ABCG1: variants seen among roughly 807,000 people sequenced by gnomAD.
ABCG1 encodes ATP-binding cassette sub-family G member 1.
Under a neutral mutation model 69.2 loss-of-function variants are expected in ABCG1, and 29 were observed. That is an observed-to-expected ratio of 0.42 (90% CI 0.31 to 0.57). The LOEUF (loss-of-function observed/expected upper bound fraction) is 0.57, where lower values mean the gene tolerates loss of function less well. Ranked by LOEUF, ABCG1 falls within the 20% of genes least tolerant of loss-of-function variation. ABCG1 has a pLI of 0.15. For synonymous variants in ABCG1, 370 were observed against 374.8 expected, an observed-to-expected ratio of 0.99 and a Z score of 0.15; for missense variants, 718 against 898.1, an observed-to-expected ratio of 0.80 and a Z score of 2.56.
intron 2 of ABCG1, among the ~76,000 whole-genome samples, chr21:42,233,104 T>A (rs910401554): frequency 1.3e-5 from 2 of 151,932 alleles, no homozygotes; most frequent in Admixed American, 6.6e-5. Context: ...AAAAGATGGG[T>A]TTTCAGTCAT....
rs201983330 is a variant in ABCG1 at position 42,287,949 on chromosome 21, G to T, written c.1034G>T (p.Arg345Leu). 1 of 1,613,478 alleles carries T rather than the reference G, an allele frequency of 6.2e-7. No individual in the cohort carries two copies. Among genetic ancestry groups the T allele is most frequent in the Non-Finnish European group, 8.5e-7 (1 of 1,179,670 alleles). The change falls in exon 9 of 15, where the codon CGG becomes CTG. Residue 345 changes from arginine (R) to leucine (L), a missense_variant. Transcript: ENST00000398449. This position sits in a 1 kb window ranked among gnomAD's most constrained non-coding sequence, Gnocchi z 6.2. ...AACAGTCGGCTGGTGAGAGCGGTTC[G>T]GGAGGGCATGTGTGACTCAGACCAC... ...DQNSRLVRAV[R>L]EGMCDSDHKR...
rs1601449441 is a variant in ABCG1, at chr21:42,287,200, A to G, written c.974-689A>G. 6.6e-6 allele frequency among the ~76,000 whole-genome samples: 1 copy of G among 152,174 alleles called. No individual in the cohort carries two copies. The highest frequency in any genetic ancestry group is 1.5e-5 in the Non-Finnish European group (1 of 68,008). On this transcript the variant is annotated intron_variant, in intron 8 of 14. Coordinates refer to ENST00000398449, the MANE Select transcript of ABCG1 (RefSeq NM_016818.3). The surrounding 1 kb of genome is among the most constrained non-coding windows in gnomAD (Gnocchi z 6.2). ...GAGAAAGCAGATGTAGGCAGAGGGA[A>G]GGAGGCCAGTCACCACGGGAGTGTG... is the stretch of plus-strand genomic sequence containing the variant.
chr21:42,210,672 C>T (rs966180550), intron 2 of ABCG1, among the ~76,000 whole-genome samples: 1 of 152,224 alleles, frequency 6.6e-6, no homozygotes, highest in African/African-American at 2.4e-5. Flanking sequence ...AACCATCTCT[C>T]ATCATCTGTC....
At chr21:42,245,550 C>T (rs1245015399) in intron 2 of ABCG1, among the ~76,000 whole-genome samples, 1 of 152,146 alleles carries the variant, frequency 6.6e-6, no homozygotes, top group African/African-American at 2.4e-5. Flanking sequence ...CCTGGCCAAC[C>T]ACGGGGACAG....
intron 2 of ABCG1, among the ~76,000 whole-genome samples, chr21:42,245,029 C>T (rs1391186147): frequency 6.6e-6 from 1 of 152,240 alleles, no homozygotes; most frequent in East Asian, 1.9e-4. Context: ...CATGTCCCAG[C>T]TCTGCCCCCA....
chr21:42,201,686 C>T (rs200504040), exon 2 of ABCG1: 30 of 1,613,280 alleles, frequency 1.9e-5, no homozygotes, highest in Admixed American at 3.3e-5. Flanking sequence ...ATGCTGGGAA[C>T]GCAGGGGTGG....
Position 42,208,200 on chromosome 21 carries a change from G to C in ABCG1, c.48+6477G>C, listed in dbSNP as rs147389616. 2.1e-3 allele frequency among the ~76,000 whole-genome samples: 317 copies of C among 151,178 alleles called. 3 individuals are homozygous for C. The highest frequency in any genetic ancestry group is 7.3e-3 in the African/African-American group (300 of 41,072). ...TCCCCTTTTCCTATTCTTTTGGCTA[G>C]AGAGAGCAGGCTTTTGTTGGGACTT... On this transcript the variant is annotated intron_variant, in intron 2 of 15. Transcript: ENST00000398457.
intron 2 of ABCG1, among the ~76,000 whole-genome samples, chr21:42,252,075 C>T (rs1035454776): frequency 2.0e-5 from 3 of 152,210 alleles, no homozygotes; most frequent in Non-Finnish European, 4.4e-5. Flanking sequence ...AAGCTCTCCC[C>T]GCAATGCTTC....
chr21:42,287,948 C>T lies in ABCG1; in HGVS notation c.1033C>T (p.Arg345Trp), dbSNP rs751587938. Residue 345 changes from arginine (R) to tryptophan (W), a missense_variant, in exon 9 of 15, where the codon CGG (arginine) becomes TGG (tryptophan). Coordinates refer to ENST00000398449, the MANE Select transcript of ABCG1 (RefSeq NM_016818.3). The surrounding 1 kb of genome is among the most constrained non-coding windows in gnomAD (Gnocchi z 6.2). The stretch of plus-strand genomic sequence containing the variant: ...GAACAGTCGGCTGGTGAGAGCGGTT[C>T]GGGAGGGCATGTGTGACTCAGACCA... ...DQNSRLVRAV[R>W]EGMCDSDHKR... is the part of the protein sequence containing the mutation. 7.4e-6 allele frequency: 12 copies of T among 1,613,382 alleles called. No individual in the cohort carries two copies. The highest frequency in any genetic ancestry group is 5.0e-5 in the Admixed American group (3 of 59,916).
At chr21:42,251,402 G>A (rs965944534) in intron 2 of ABCG1, among the ~76,000 whole-genome samples, 2 of 152,176 alleles carry the variant, frequency 1.3e-5, no homozygotes, top group African/African-American at 4.8e-5. Context: ...GAGGCTCAGC[G>A]AGATACACTA....
Position 42,225,898 on chromosome 21 carries a change from C to T in ABCG1, c.270C>T (p.Pro90=), listed in dbSNP as rs1229278124. The T allele has an allele frequency of 1.2e-6, 2 of 1,612,586 alleles. No homozygotes were observed. Among genetic ancestry groups the T allele is most frequent in the Admixed American group, 1.7e-5 (1 of 59,992 alleles). Residue 90 remains proline (P), a synonymous_variant, in exon 2 of 15, where the codon CCC becomes CCT. Transcript: ENST00000398449. ...TTTCCTATTCGGTTCCTGAAGGACC[C>T]TGGTGGAGGAAGAAAGGTAGGGAGG... ...RDLSYSVPEG[P]WWRKKGYKTL...
At chr21:42,216,798 G>A (rs530900832), upstream of ABCG1, among the ~76,000 whole-genome samples, 12 of 152,172 alleles carry the variant, frequency 7.9e-5, no homozygotes, top group Non-Finnish European at 1.2e-4. Context: ...CCTGTGCTAC[G>A]CTACTGTTGG....
At chr21:42,226,021 C>T in intron 2 of ABCG1, 107 bp downstream of exon 2, 2 of 1,296,350 alleles carry the variant, frequency 1.5e-6, no homozygotes, top group Non-Finnish European at 2.1e-6. Flanking sequence ...CTGAGCTTCT[C>T]TTCCCAACGC....
rs779750643 is a variant in ABCG1, at chr21:42,273,274, G to A, written c.405-29G>A. 1 of 1,597,600 alleles carries A rather than the reference G, an allele frequency of 6.3e-7. No individual in the cohort carries two copies. Among genetic ancestry groups the A allele is most frequent in the South Asian group, 1.1e-5 (1 of 89,670 alleles). ...GTGGAGGAGGAGCAGGAGCCCGGCT[G>A]ACGGCTTCTCCTGTCCTTGGTTCTG... is the stretch of plus-strand genomic sequence containing the variant. On this transcript the variant is annotated intron_variant, in intron 3 of 14. Transcript: ENST00000398449. This position sits in a 1 kb window ranked among gnomAD's most constrained non-coding sequence, Gnocchi z 5.3.
At chr21:42,262,719 C>T (rs1465096315) in intron 2 of ABCG1, among the ~76,000 whole-genome samples, 1 of 152,212 alleles carries the variant, frequency 6.6e-6, no homozygotes, top group Non-Finnish European at 1.5e-5. Context: ...CCGGGTTTGG[C>T]AGAAGGGGTT....
chr21:42,278,522 A>C (rs2068749492), intron 5 of ABCG1, among the ~76,000 whole-genome samples: 1 of 152,156 alleles, frequency 6.6e-6, no homozygotes, highest in African/African-American at 2.4e-5. Context: ...TAAGAAGAGG[A>C]GAGGAGGACC....
chr21:42,273,747 A>G lies in ABCG1; in HGVS notation c.537+312A>G, dbSNP rs1487573350. On this transcript the variant is annotated intron_variant, in intron 4 of 14. Coordinates refer to ENST00000398449, the MANE Select transcript of ABCG1 (RefSeq NM_016818.3). The surrounding 1 kb of genome is among the most constrained non-coding windows in gnomAD (Gnocchi z 5.3). ...TCCTCTCCAGGGCAGCCACCATACT[A>G]TTTCTCCTGCAGGCCAGTGCTTGGG... 1.3e-5 allele frequency among the ~76,000 whole-genome samples: 2 copies of G among 151,812 alleles called. No homozygotes were observed. The highest frequency in any genetic ancestry group is 2.9e-5 in the Non-Finnish European group (2 of 67,962).
At chr21:42,228,965 G>A (rs2067860376) in intron 2 of ABCG1, among the ~76,000 whole-genome samples, 1 of 152,222 alleles carries the variant, frequency 6.6e-6, no homozygotes, top group Admixed American at 6.5e-5. Flanking sequence ...AGGAGGAGCT[G>A]CATCCCACTG....
Position 42,291,693 on chromosome 21 carries a change from G to T in ABCG1, c.1653+37G>T. On this transcript the variant is annotated intron_variant, in intron 13 of 14. Coordinates refer to ENST00000398449, the MANE Select transcript of ABCG1 (RefSeq NM_016818.3). This position sits in a 1 kb window ranked among gnomAD's most constrained non-coding sequence, Gnocchi z 6.4. ...GGAGGCGCTAAGTGAGGGCATGACG[G>T]CTGGGCTTCCCTGAGCTACCTTGGC... 6.4e-7 allele frequency: 1 copy of T among 1,556,546 alleles called. No homozygotes were observed. The highest frequency in any genetic ancestry group is 8.6e-7 in the Non-Finnish European group (1 of 1,156,476).
Sources: allele counts gnomAD v4.1 joint callset (sites outside exome capture counted in the v4.1 genomes callset), GRCh38; gene constraint gnomAD v4.1.1; non-coding constraint Gnocchi (gnomAD v3.1); transcripts MANE v1.5; gene names NCBI Gene and HGNC (gene_info 2026-07-23, HGNC 2026-07-21).